The following SGCZ variants were observed in gnomAD, a reference collection of about 807,000 sequenced individuals.
SGCZ encodes the protein sarcoglycan zeta.
Under a neutral mutation model 41.3 loss-of-function variants are expected in SGCZ, and 40 were observed. The ratio of observed to expected loss-of-function variants is 0.97; its 90% CI spans 0.75 to 1.26. The LOEUF is 1.26. Ranked by LOEUF, SGCZ falls within the 50% of genes most tolerant of loss-of-function variation. The probability of loss-of-function intolerance (pLI) is 0.00; values close to 1 mark genes in which losing one functional copy is unlikely to be tolerated. For missense variants in SGCZ, 552 were observed against 369.8 expected (o/e 1.49, Z -4.04); for synonymous variants, 206 against 137.5 (o/e 1.50, Z -3.49).
Position 14,575,913 on chromosome 8 carries a change from CAAAA to C in SGCZ, c.40-20991_40-20988del, listed in dbSNP as rs66656586. 7.9e-3 allele frequency among the ~76,000 whole-genome samples: 788 copies of C among 100,018 alleles called. 5 individuals are homozygous for C. The highest frequency in any genetic ancestry group is 0.028 in the African/African-American group (687 of 24,314). The allele number at this position is 100,018 out of a possible 152,430, so 65.6% of individuals were successfully genotyped here. ...AGAGTGAGACCCTGTCTCAAAATAA[CAAAA>C]AAAAAAAAAAAAAAAAAAGAAAGAA... On this transcript the variant is annotated intron_variant, in intron 1 of 7. Coordinates refer to ENST00000382080, the MANE Select transcript of SGCZ (RefSeq NM_139167.4).
intron 1 of SGCZ, among the ~76,000 whole-genome samples, chr8:15,160,911 C>G (rs893775372): frequency 1.3e-5 from 2 of 151,892 alleles, no homozygotes; most frequent in South Asian, 4.1e-4. Flanking sequence ...CTAGAGTACA[C>G]TGGCGTAATC....
chr8:14,639,402 G>C (rs1161834838), intron 1 of SGCZ, among the ~76,000 whole-genome samples: 1 of 151,552 alleles, frequency 6.6e-6, no homozygotes, highest in Non-Finnish European at 1.5e-5. Flanking sequence ...AAGCTTTTAA[G>C]GGCCATATTC....
intron 7 of SGCZ, among the ~76,000 whole-genome samples, chr8:14,094,634 C>T (rs944587908): frequency 1.3e-5 from 2 of 152,088 alleles, no homozygotes; most frequent in Non-Finnish European, 2.9e-5. Context: ...GATTTATAAT[C>T]TTTTGGGTAT....
intron 1 of SGCZ, among the ~76,000 whole-genome samples, chr8:14,772,300 T>A (rs916859142): frequency 6.6e-6 from 1 of 152,090 alleles, no homozygotes; most frequent in African/African-American, 2.4e-5. Flanking sequence ...TATAGTGACA[T>A]AAACCCATCC....
At chr8:14,476,392 CTTATA>C (rs1244219280) in intron 2 of SGCZ, among the ~76,000 whole-genome samples, 1 of 151,934 alleles carries the variant, frequency 6.6e-6, no homozygotes, top group African/African-American at 2.4e-5. Flanking sequence ...TAAATCTTTC[CTTATA>C]TATTTCTATA....
rs779572116 is a variant in SGCZ at position 14,554,832 on chromosome 8, C to T, written c.134G>A (p.Arg45Gln). 39 of 1,613,094 alleles carry T rather than the reference C, an allele frequency of 2.4e-5. No homozygotes were observed. In the East Asian group the frequency reaches 5.6e-4, roughly 23 times the overall value. ...GACAAAGAAGTATAAGCACCTCTTT[C>T]GCCATCCATAAATTCCCACTGGGTA... ...QLYPVGIYGW[R>Q]KRCLYFFVLL... The change falls in exon 2 of 8, where the codon CGA (arginine) becomes CAA (glutamine). Residue 45 changes from arginine to glutamine, a missense_variant. Transcript: ENST00000382080.
chr8:15,119,953 G>T (rs1807417450), intron 1 of SGCZ, among the ~76,000 whole-genome samples: 1 of 152,060 alleles, frequency 6.6e-6, no homozygotes, highest in Non-Finnish European at 1.5e-5. Flanking sequence ...AGAACTATAG[G>T]TGCATTCCAC....
intron 2 of SGCZ, among the ~76,000 whole-genome samples, chr8:14,454,187 G>T (rs1800677527): frequency 1.3e-5 from 2 of 152,112 alleles, no homozygotes; most frequent in Admixed American, 1.3e-4. Flanking sequence ...ATGGTGGCAG[G>T]ATTTCTAATA....
At chr8:15,111,726 C>A (rs59208322) in intron 1 of SGCZ, among the ~76,000 whole-genome samples, 1 of 152,114 alleles carries the variant, frequency 6.6e-6, no homozygotes, top group African/African-American at 2.4e-5. Context: ...ATGGTGAAAC[C>A]CTGTCTCCAC....
At chr8:14,315,513 T>C (rs144695492) in intron 3 of SGCZ, among the ~76,000 whole-genome samples, 2 of 152,136 alleles carry the variant, frequency 1.3e-5, no homozygotes, top group East Asian at 3.9e-4. Context: ...AAAGCAAAGT[T>C]AACCCACGCA....
Position 15,159,042 on chromosome 8 carries a change from G to A in SGCZ, c.39+78543C>T, listed in dbSNP as rs148806737. Among the ~76,000 whole-genome samples, 251 of 152,290 alleles carry A rather than the reference G, an allele frequency of 1.6e-3. 3 individuals carry two copies. Among genetic ancestry groups the A allele is most frequent in the African/African-American group, 5.7e-3 (237 of 41,556 alleles). ...CAATCCCTACGTAGCTTCAGGATGG[G>A]AGCTGGTCACCTGAAAGACCAGAAC... On this transcript the variant is annotated intron_variant, in intron 1 of 7. Coordinates refer to ENST00000382080, the MANE Select transcript of SGCZ (RefSeq NM_139167.4).
At chr8:15,205,684 C>G (rs979462400) in intron 1 of SGCZ, among the ~76,000 whole-genome samples, 9 of 152,106 alleles carry the variant, frequency 5.9e-5, no homozygotes, top group Non-Finnish European at 8.8e-5. Context: ...TTAGTTCAAC[C>G]ATTGAGAAAA....
intron 1 of SGCZ, among the ~76,000 whole-genome samples, chr8:14,908,872 AC>A (rs1799199104): frequency 6.6e-6 from 1 of 152,074 alleles, no homozygotes. Context: ...TTTATATGCG[AC>A]GAATAGTTTG....
At position 14,202,084 on chromosome 8, in the gene SGCZ, G is replaced by A. The variant is rs143909347; in HGVS notation, c.424+35508C>T. Among the ~76,000 whole-genome samples, 401 of 152,194 alleles carry A rather than the reference G, an allele frequency of 2.6e-3. 1 individual carries two copies. Among genetic ancestry groups the A allele is most frequent in the African/African-American group, 8.8e-3 (367 of 41,518 alleles). On this transcript the variant is annotated intron_variant, in intron 4 of 7. Transcript: ENST00000382080. The stretch of plus-strand genomic sequence containing the variant: ...GCAGATAGAATTAAGGTTGCTCACC[G>A]CCTGACCTTAAAATAGGGAGAATAT...
At chr8:14,546,335 A>G (rs1803626032) in intron 2 of SGCZ, among the ~76,000 whole-genome samples, 1 of 152,186 alleles carries the variant, frequency 6.6e-6, no homozygotes, top group Admixed American at 6.5e-5. Context: ...AAAGGCGGGC[A>G]AAAACTACGG....
At chr8:14,384,290 T>C (rs1804486588) in intron 2 of SGCZ, among the ~76,000 whole-genome samples, 3 of 152,248 alleles carry the variant, frequency 2.0e-5, no homozygotes, top group Middle Eastern at 3.4e-3. Context: ...ACAAAGGACA[T>C]GAACTTATCA....
intron 1 of SGCZ, among the ~76,000 whole-genome samples, chr8:14,895,589 T>G (rs1805168032): frequency 6.6e-6 from 1 of 152,186 alleles, no homozygotes; most frequent in East Asian, 1.9e-4. Context: ...AAAGAAGATG[T>G]AAGTGGTATT....
At chr8:14,551,529 ATATAATATATATAATATATATAAT>A in intron 2 of SGCZ, among the ~76,000 whole-genome samples, 1 of 3,756 alleles carries the variant, frequency 2.7e-4, no homozygotes, top group African/African-American at 9.5e-4. Context: ...TATATAATAT[ATATAATATATATAATATATATAAT>A]ATATATTATA....
intron 4 of SGCZ, among the ~76,000 whole-genome samples, chr8:14,205,610 C>A (rs1188288179): frequency 6.6e-6 from 1 of 152,066 alleles, no homozygotes; most frequent in Admixed American, 6.6e-5. Context: ...TTCAATCTGA[C>A]AAAGCAAACT....
Sources: allele counts gnomAD v4.1 joint callset (sites outside exome capture counted in the v4.1 genomes callset), GRCh38; gene constraint gnomAD v4.1.1; transcripts MANE v1.5; gene names NCBI Gene and HGNC (gene_info 2026-07-23, HGNC 2026-07-21).